The following CUX1 variants were observed in gnomAD, a reference collection of about 807,000 sequenced individuals.
The protein encoded by CUX1 is cut like homeobox 1, also known as protein CASP.
In CUX1, 31 loss-of-function variants were observed where a neutral mutation model predicts 158.8. The observed-to-expected ratio is 0.20, with a 90% CI of 0.15 to 0.26. The LOEUF is 0.26. Ranked by LOEUF, CUX1 falls within the 10% of genes least tolerant of loss-of-function variation. The pLI, the probability that CUX1 is intolerant of heterozygous loss-of-function variation, is 1.00. For synonymous variants in CUX1, 879 were observed against 862.1 expected, an observed-to-expected ratio of 1.02 and a Z score of -0.34; for missense variants, 1,589 against 2,014.6, an observed-to-expected ratio of 0.79 and a Z score of 4.04.
Position 102,003,334 on chromosome 7 carries a change from A to ACACACACACGCC in CUX1, c.142-24763_142-24762insACACACACGCCC, listed in dbSNP as rs1469103474. Among the ~76,000 whole-genome samples, 618 of 146,608 alleles carry ACACACACACGCC rather than the reference A, an allele frequency of 4.2e-3. 5 individuals are homozygous for ACACACACACGCC. The highest frequency in any genetic ancestry group is 0.015 in the African/African-American group (592 of 38,668). ...CACACACACACACACACACACACAC[A>ACACACACACGCC]CGCCCGCCCCCCGCTCCACTGTTCT... is the stretch of plus-strand genomic sequence containing the variant. On this transcript the variant is annotated intron_variant, in intron 2 of 23. Transcript: ENST00000292535.
intron 20 of CUX1, among the ~76,000 whole-genome samples, chr7:102,207,403 G>T (rs190990177): frequency 1.5e-3 from 234 of 152,162 alleles, no homozygotes; most frequent in African/African-American, 5.3e-3. Context: ...AGCAAAAATC[G>T]TGGTGACTAG....
intron 6 of CUX1, among the ~76,000 whole-genome samples, chr7:102,108,368 C>CA (rs1554489172): frequency 1.3e-5 from 2 of 152,126 alleles, no homozygotes. Flanking sequence ...TTTTTTGAGA[C>CA]AGAGTCTTGC....
chr7:101,916,344 C>T lies in CUX1; in HGVS notation c.141+119C>T, dbSNP rs1804207528. 9.1e-6 allele frequency: 6 copies of T among 659,962 alleles called. No individual in the cohort carries two copies. The highest frequency in any genetic ancestry group is 3.6e-5 in the African/African-American group (2 of 55,938). The allele number at this position is 659,962 out of a possible 1,614,324, so 40.9% of individuals were successfully genotyped here. A position where few individuals can be genotyped will look rare whatever the true frequency, so the allele number is the denominator to read the frequency against. On this transcript the variant is annotated intron_variant, in intron 2 of 23. Coordinates refer to ENST00000292535, the MANE Select transcript of CUX1 (RefSeq NM_181552.4). The surrounding 1 kb of genome is among the most constrained non-coding windows in gnomAD (Gnocchi z 4.4). ...ATGAACGCACGGCCGGCAAACAACC[C>T]GTTTCTTTCCCCAGATGTCTTCAGC... is the stretch of plus-strand genomic sequence containing the variant.
intron 2 of CUX1, among the ~76,000 whole-genome samples, chr7:101,980,273 A>G (rs947742335): frequency 5.3e-5 from 8 of 152,192 alleles, no homozygotes; most frequent in Middle Eastern, 3.2e-3. Context: ...TGGGAGGCCA[A>G]AGTGGGAGGA....
At chr7:101,893,643 A>T (rs532581784) in intron 1 of CUX1, among the ~76,000 whole-genome samples, 1 of 152,340 alleles carries the variant, frequency 6.6e-6, no homozygotes, top group Admixed American at 6.5e-5. Context: ...TTAGGGGCAG[A>T]GAGAAAGAAG....
intron 8 of CUX1, among the ~76,000 whole-genome samples, chr7:102,137,676 A>G (rs1416007381): frequency 2.6e-4 from 39 of 152,102 alleles, no homozygotes; most frequent in Non-Finnish European, 4.3e-4. Flanking sequence ...TTACTTTTGC[A>G]CCGACCTAAT....
upstream of CUX1, chr7:101,817,314 C>T (rs1791956934): frequency 9.1e-6 from 9 of 984,538 alleles, no homozygotes; most frequent in Non-Finnish European, 9.6e-6. The surrounding 1 kb of genome is among the most constrained non-coding windows in gnomAD (Gnocchi z 4.1). Flanking sequence ...CCCCTCGGGG[C>T]TTCTGCCCTC....
intron 2 of CUX1, among the ~76,000 whole-genome samples, chr7:101,987,253 C>T (rs1203894021): frequency 2.0e-5 from 3 of 152,196 alleles, no homozygotes; most frequent in East Asian, 1.9e-4. Context: ...CACAGAAGTC[C>T]GTGCGTGAGC....
chr7:101,915,185 A>C (rs1211240198), intron 1 of CUX1, among the ~76,000 whole-genome samples: 3 of 152,202 alleles, frequency 2.0e-5, no homozygotes, highest in Non-Finnish European at 4.4e-5. Context: ...TGGTGGCGAC[A>C]GCAGTGTGTC....
At position 102,028,801 on chromosome 7, in the gene CUX1, TTTG is replaced by T. The variant is rs1259633753; in HGVS notation, c.189+658_189+660del. Among the ~76,000 whole-genome samples, 9 of 152,308 alleles carry T rather than the reference TTTG, an allele frequency of 5.9e-5. No homozygotes were observed. In the East Asian group the frequency reaches 1.5e-3, roughly 26 times the overall value. On this transcript the variant is annotated intron_variant, in intron 3 of 23. Coordinates refer to ENST00000292535, the MANE Select transcript of CUX1 (RefSeq NM_181552.4). ...CGTGAGTGACACTCTTTGCCAGCCC[TTTG>T]TGTGAAGATTCAGTGATGTTTAGAA...
intron 20 of CUX1, among the ~76,000 whole-genome samples, chr7:102,207,769 T>C (rs931785435): frequency 2.6e-5 from 4 of 151,756 alleles, no homozygotes; most frequent in Non-Finnish European, 5.9e-5. Flanking sequence ...TTTTAAAAAA[T>C]TGTATAGCAT....
At chr7:102,118,986 A>C (rs1831733683) in intron 8 of CUX1, among the ~76,000 whole-genome samples, 1 of 152,030 alleles carries the variant, frequency 6.6e-6, no homozygotes, top group Non-Finnish European at 1.5e-5. Flanking sequence ...TCCTGACCTC[A>C]TGATTCGCCC....
At chr7:101,817,590 C>G (rs1398081005), upstream of CUX1, 1 of 1,530,462 alleles carries the variant, frequency 6.5e-7, no homozygotes, top group Non-Finnish European at 8.8e-7. This position sits in a 1 kb window ranked among gnomAD's most constrained non-coding sequence, Gnocchi z 4.1. Flanking sequence ...CCCGCACGTG[C>G]CAGCTCGGCG....
At chr7:102,259,013 G>A (rs868989136), downstream of CUX1, among the ~76,000 whole-genome samples, 4 of 152,202 alleles carry the variant, frequency 2.6e-5, no homozygotes, top group African/African-American at 7.2e-5. Flanking sequence ...CTGCCAGGCC[G>A]ACGTGTGTCT....
intron 3 of CUX1, among the ~76,000 whole-genome samples, chr7:102,053,704 A>T (rs769461634): frequency 6.6e-6 from 1 of 150,768 alleles, no homozygotes; most frequent in African/African-American, 2.4e-5. Flanking sequence ...TTGTCTTTCT[A>T]TGCCTGGCTA....
intron 1 of CUX1, among the ~76,000 whole-genome samples, chr7:101,845,027 T>G (rs1795541924): frequency 6.6e-6 from 1 of 152,210 alleles, no homozygotes; most frequent in African/African-American, 2.4e-5. Flanking sequence ...ATTTTTTTCT[T>G]TTATTCTAGG....
chr7:102,278,119 C>G, intron 18 of CUX1: 1 of 1,331,896 alleles, frequency 7.5e-7, no homozygotes, highest in Non-Finnish European at 1.1e-6. Flanking sequence ...GGAGAGAGGC[C>G]GATCAGGGCT....
intron 2 of CUX1, among the ~76,000 whole-genome samples, chr7:101,994,931 A>C (rs1243590307): frequency 1.4e-5 from 2 of 148,016 alleles, no homozygotes; most frequent in African/African-American, 2.5e-5. Context: ...CTCTACAAAA[A>C]AAAAAAAAAA....
chr7:101,982,788 T>C (rs1813605268), intron 2 of CUX1, among the ~76,000 whole-genome samples: 1 of 151,966 alleles, frequency 6.6e-6, no homozygotes, highest in South Asian at 2.1e-4. Flanking sequence ...TTGTTACATA[T>C]GTATATATGT....
Sources: gnomAD v4.1 joint callset for allele counts (sites outside exome capture counted in the v4.1 genomes callset) on GRCh38, gnomAD v4.1.1 for gene constraint, Gnocchi (gnomAD v3.1) non-coding constraint, MANE v1.5 for transcripts, NCBI Gene and HGNC (gene_info 2026-07-23, HGNC 2026-07-21) for gene names.